The following PARD3B variants were observed in gnomAD, a reference collection of about 807,000 sequenced individuals.
PARD3B encodes par-3 family cell polarity regulator beta, also known as partitioning defective 3 homolog B.
Under a neutral mutation model 130.2 loss-of-function variants are expected in PARD3B, and 103 were observed. The ratio of observed to expected loss-of-function variants is 0.79; its 90% CI spans 0.67 to 0.93. PARD3B has a LOEUF of 0.93. PARD3B is among the 40% of genes least tolerant of loss of function. The pLI is 0.00. For missense variants in PARD3B, 1,609 were observed against 1,499.2 expected (o/e 1.07, Z -1.21); for synonymous variants, 583 against 553.2 (o/e 1.05, Z -0.76).
At chr2:204,550,384 T>A (rs564454516) in intron 1 of PARD3B, among the ~76,000 whole-genome samples, 4 of 151,202 alleles carry the variant, frequency 2.6e-5, no homozygotes, top group Non-Finnish European at 5.9e-5. Flanking sequence ...AATCCGCAGA[T>A]GCGGAATGCA....
chr2:205,403,605 T>C (rs2046324657), intron 19 of PARD3B, among the ~76,000 whole-genome samples: 1 of 152,120 alleles, frequency 6.6e-6, no homozygotes, highest in African/African-American at 2.4e-5. Flanking sequence ...GAATGAATCA[T>C]TAGAAGACCT....
chr2:205,456,157 T>C (rs73985030), intron 20 of PARD3B, among the ~76,000 whole-genome samples: 6,033 of 152,206 alleles, frequency 0.04, 412 homozygotes, highest in African/African-American at 0.14. Flanking sequence ...AACCCATGTA[T>C]GGATGCACTA....
intron 1 of PARD3B, among the ~76,000 whole-genome samples, chr2:204,554,690 C>T (rs2030794061): frequency 6.6e-6 from 1 of 151,796 alleles, no homozygotes; most frequent in Non-Finnish European, 1.5e-5. Context: ...AACACAAAAG[C>T]TAGAGTGATA....
intron 2 of PARD3B, among the ~76,000 whole-genome samples, chr2:204,749,539 C>G (rs2040379103): frequency 6.6e-6 from 1 of 152,088 alleles, no homozygotes; most frequent in African/African-American, 2.4e-5. Flanking sequence ...TGACTCATAT[C>G]TAATGAGAGC....
chr2:205,180,061 A>AG (rs1266822989), intron 13 of PARD3B, among the ~76,000 whole-genome samples: 2 of 152,004 alleles, frequency 1.3e-5, no homozygotes, highest in Non-Finnish European at 2.9e-5. Context: ...TTTTTACATC[A>AG]GTGAAAAAAA....
chr2:205,194,846 C>T (rs965536694), intron 15 of PARD3B, among the ~76,000 whole-genome samples: 10 of 151,774 alleles, frequency 6.6e-5, no homozygotes, highest in African/African-American at 2.4e-5. Context: ...TGCAGTAGTG[C>T]GATCTCGGCT....
rs183141617 is a variant in PARD3B, at chr2:204,691,826, T to C, written c.222+5544T>C. Reference sequence around the variant, plus strand: ...TTAAACAAAACTGATATGAATGAAGTTATTAAATTGGTAAAATAGTTTTAT... The same window carrying C: ...TTAAACAAAACTGATATGAATGAAGCTATTAAATTGGTAAAATAGTTTTAT... On this transcript the variant is annotated intron_variant, in intron 2 of 22. Transcript: ENST00000406610. 1.2e-3 allele frequency among the ~76,000 whole-genome samples: 189 copies of C among 152,184 alleles called. 1 individual carries two copies. The highest frequency in any genetic ancestry group is 4.4e-3 in the African/African-American group (184 of 41,530).
At chr2:205,242,141 T>C (rs2039379852) in intron 15 of PARD3B, among the ~76,000 whole-genome samples, 1 of 152,212 alleles carries the variant, frequency 6.6e-6, no homozygotes, top group African/African-American at 2.4e-5. Flanking sequence ...ATTTATCTTC[T>C]GTCCTAAAGA....
chr2:205,613,233 A>C (rs986967011), intron 22 of PARD3B, among the ~76,000 whole-genome samples: 2 of 152,238 alleles, frequency 1.3e-5, no homozygotes, highest in African/African-American at 4.8e-5. Flanking sequence ...TGTGTGTTGC[A>C]AATGTCAGTG....
intron 19 of PARD3B, among the ~76,000 whole-genome samples, chr2:205,436,568 C>A (rs572728059): frequency 3.8e-4 from 58 of 151,728 alleles, no homozygotes; most frequent in African/African-American, 1.3e-3. Context: ...TTATCTTCTA[C>A]GGAAGTTTTT....
At chr2:204,751,404 TG>T (rs1256223967) in intron 2 of PARD3B, among the ~76,000 whole-genome samples, 3 of 152,234 alleles carry the variant, frequency 2.0e-5, no homozygotes, top group African/African-American at 7.2e-5. Flanking sequence ...TGGGGCCCTC[TG>T]GGCAGGAGAA....
chr2:205,567,587 G>T (rs1234035954), intron 22 of PARD3B, among the ~76,000 whole-genome samples: 1 of 150,678 alleles, frequency 6.6e-6, no homozygotes, highest in Non-Finnish European at 1.5e-5. Context: ...CTCCCAAAGT[G>T]CTGGGATTAC....
At chr2:205,599,367 A>G (rs2054694468) in intron 22 of PARD3B, among the ~76,000 whole-genome samples, 1 of 152,222 alleles carries the variant, frequency 6.6e-6, no homozygotes. Context: ...ATGTTCACAC[A>G]GTTCCCAAAA....
intron 2 of PARD3B, among the ~76,000 whole-genome samples, chr2:204,889,184 C>G (rs1399929603): frequency 6.6e-6 from 1 of 152,168 alleles, no homozygotes; most frequent in Non-Finnish European, 1.5e-5. Context: ...AGGGTCATTC[C>G]AGTCCAGCTC....
At position 205,301,827 on chromosome 2, in the gene PARD3B, C is replaced by T. The variant is rs1489158609; in HGVS notation, c.2630+126C>T. Reference sequence around the variant, plus strand: ...TCTTCAGCCAAATGCATACGGCTCTCAATTCTGTGCTCGTTCTCTTTCTGC... The same window carrying T: ...TCTTCAGCCAAATGCATACGGCTCTTAATTCTGTGCTCGTTCTCTTTCTGC... On this transcript the variant is annotated intron_variant, in intron 18 of 22. Transcript: ENST00000406610. The surrounding 1 kb of genome is among the most constrained non-coding windows in gnomAD (Gnocchi z 5.2). 7.1e-7 allele frequency: 1 copy of T among 1,416,790 alleles called. No individual in the cohort carries two copies. The highest frequency in any genetic ancestry group is 1.0e-6 in the Non-Finnish European group (1 of 1,000,336). The allele number at this position is 1,416,790 out of a possible 1,614,324, so 87.8% of individuals were successfully genotyped here. A position where few individuals can be genotyped will look rare whatever the true frequency, so the allele number is the denominator to read the frequency against.
intron 4 of PARD3B, chr2:205,103,731 C>T (rs4675496): frequency 2.9e-5 from 29 of 985,268 alleles, no homozygotes; most frequent in South Asian, 4.7e-5. Flanking sequence ...CAGCATCAGG[C>T]GTGCTTTCTA....
At chr2:205,329,986 G>A (rs749003193) in intron 18 of PARD3B, among the ~76,000 whole-genome samples, 2 of 126,424 alleles carry the variant, frequency 1.6e-5, no homozygotes, top group East Asian at 2.8e-4. Flanking sequence ...AGAGCAAAAC[G>A]CCGTCTCAAA....
At position 205,592,491 on chromosome 2, in the gene PARD3B, G is replaced by A. The variant is rs6725141; in HGVS notation, c.3261-22965G>A. Among the ~76,000 whole-genome samples the A allele has an allele frequency of 0.019, 2,959 of 152,172 alleles. 103 individuals are homozygous for A. The highest frequency in any genetic ancestry group is 0.067 in the African/African-American group (2,763 of 41,504). On this transcript the variant is annotated intron_variant, in intron 22 of 22. Transcript: ENST00000406610. This position sits in a 1 kb window ranked among gnomAD's most constrained non-coding sequence, Gnocchi z 4.5. ...ATGAGCCAGGCACTGGAGAGTGAAC[G>A]GTGAACTCGGTAATAGTCCTTACCA...
chr2:204,854,313 G>A (rs1213786793), intron 2 of PARD3B, among the ~76,000 whole-genome samples: 6 of 152,112 alleles, frequency 3.9e-5, no homozygotes, highest in Non-Finnish European at 8.8e-5. Context: ...GATGCAGCAA[G>A]GAAGATGGAT....
Sources: gnomAD v4.1 joint callset for allele counts (sites outside exome capture counted in the v4.1 genomes callset) on GRCh38, gnomAD v4.1.1 for gene constraint, Gnocchi (gnomAD v3.1) non-coding constraint, MANE v1.5 for transcripts, NCBI Gene and HGNC (gene_info 2026-07-23, HGNC 2026-07-21) for gene names.